Variants in TSPAN9 observed in about 807,000 individuals in gnomAD.
TSPAN9 encodes tetraspanin 9, also known as tetraspanin-9.
Under a neutral mutation model 31.0 loss-of-function variants are expected in TSPAN9, and 16 were observed. That is an observed-to-expected ratio of 0.52 (90% CI 0.35 to 0.78). The LOEUF (loss-of-function observed/expected upper bound fraction) is 0.78. Ranked by LOEUF, TSPAN9 falls within the 30% of genes least tolerant of loss-of-function variation. The pLI is 0.01. For missense variants in TSPAN9, 272 were observed against 312.5 expected, an observed-to-expected ratio of 0.87 and a Z score of 0.98; for synonymous variants, 145 against 121.6, an observed-to-expected ratio of 1.19 and a Z score of -1.27.
intron 3 of TSPAN9, among the ~76,000 whole-genome samples, chr12:3,252,342 G>A (rs1487948211): frequency 1.3e-5 from 2 of 152,230 alleles, no homozygotes; most frequent in African/African-American, 2.4e-5. Flanking sequence ...GGTGATGGCA[G>A]CGAGATGGGG....
chr12:3,232,908 A>G (rs1407778217), intron 3 of TSPAN9, among the ~76,000 whole-genome samples: 1 of 152,170 alleles, frequency 6.6e-6, no homozygotes, highest in African/African-American at 2.4e-5. Context: ...TCTGTTTTTC[A>G]GAGCCACACA....
chr12:3,275,124 A>C (rs1422110894), intron 3 of TSPAN9, among the ~76,000 whole-genome samples: 2 of 152,192 alleles, frequency 1.3e-5, no homozygotes, highest in Admixed American at 6.5e-5. Flanking sequence ...AACCAGTTTG[A>C]AGAGAGGTGA....
chr12:3,261,614 A>G (rs1346352262), intron 3 of TSPAN9, among the ~76,000 whole-genome samples: 1 of 152,230 alleles, frequency 6.6e-6, no homozygotes, highest in Non-Finnish European at 1.5e-5. Context: ...GACTCGGGGC[A>G]TGCATGACAC....
chr12:3,087,798 T>C (rs1263065367), intron 2 of TSPAN9, among the ~76,000 whole-genome samples: 1 of 152,032 alleles, frequency 6.6e-6, no homozygotes, highest in Non-Finnish European at 1.5e-5. Context: ...GAGCCAAGAC[T>C]CCATCTTGGA....
At chr12:3,171,980 G>A (rs1436296393) in intron 2 of TSPAN9, 3 of 152,296 alleles carry the variant, frequency 2.0e-5, no homozygotes, top group Non-Finnish European at 4.4e-5. Context: ...TTTAAAATAC[G>A]CTTCATGGTC....
chr12:3,153,767 G>A (rs1343676405), intron 2 of TSPAN9, among the ~76,000 whole-genome samples: 1 of 150,198 alleles, frequency 6.7e-6, no homozygotes, highest in Non-Finnish European at 1.5e-5. Context: ...TCCTACTGTT[G>A]AATGTGCAGC....
At chr12:3,198,141 A>T (rs2098368293) in intron 2 of TSPAN9, among the ~76,000 whole-genome samples, 1 of 84,790 alleles carries the variant, frequency 1.2e-5, no homozygotes, top group African/African-American at 4.8e-5. Context: ...CCACCAGCAC[A>T]GGTCACCACC....
At chr12:3,146,940 C>T (rs2098337536) in intron 2 of TSPAN9, among the ~76,000 whole-genome samples, 1 of 152,006 alleles carries the variant, frequency 6.6e-6, no homozygotes, top group Admixed American at 6.6e-5. Flanking sequence ...TGCACAAGTC[C>T]CTTATCTTCT....
At chr12:3,138,793 T>A (rs989773020) in intron 2 of TSPAN9, among the ~76,000 whole-genome samples, 1 of 152,158 alleles carries the variant, frequency 6.6e-6, no homozygotes, top group African/African-American at 2.4e-5. Context: ...GTTTCTTCTT[T>A]GTTTTGCCCC....
intron 3 of TSPAN9, among the ~76,000 whole-genome samples, chr12:3,237,962 A>G (rs527871170): frequency 6.6e-6 from 1 of 152,268 alleles, no homozygotes; most frequent in South Asian, 2.1e-4. Flanking sequence ...GTGATGATGG[A>G]AAGCTTGGTT....
At chr12:3,221,203 C>A (rs1337975065) in intron 3 of TSPAN9, among the ~76,000 whole-genome samples, 1 of 152,068 alleles carries the variant, frequency 6.6e-6, no homozygotes, top group Non-Finnish European at 1.5e-5. Context: ...CTGGTCCCTT[C>A]CCTTATTCAT....
intron 2 of TSPAN9, among the ~76,000 whole-genome samples, chr12:3,174,816 T>G (rs74751065): frequency 0.35 from 52,124 of 148,456 alleles, 11,235 homozygotes; most frequent in South Asian, 0.52. Context: ...TCTCCTGACC[T>G]CGTGATCCTC....
At chr12:3,160,447 A>G (rs2098344463) in intron 2 of TSPAN9, among the ~76,000 whole-genome samples, 1 of 152,230 alleles carries the variant, frequency 6.6e-6, no homozygotes. Flanking sequence ...TATTTATTTC[A>G]GGTATCTAGG....
intron 2 of TSPAN9, among the ~76,000 whole-genome samples, chr12:3,162,036 T>C (rs564576800): frequency 1.3e-5 from 2 of 151,254 alleles, no homozygotes; most frequent in East Asian, 3.9e-4. Context: ...TAATGGGAGG[T>C]GTTTGGGTCA....
intron 2 of TSPAN9, among the ~76,000 whole-genome samples, chr12:3,104,848 C>A (rs1472529515): frequency 1.3e-5 from 2 of 152,198 alleles, no homozygotes; most frequent in Non-Finnish European, 2.9e-5. Context: ...CAGGCAGGTT[C>A]CAAAGGTTGT....
intron 3 of TSPAN9, among the ~76,000 whole-genome samples, chr12:3,249,431 C>T (rs1243940164): frequency 7.9e-5 from 12 of 152,196 alleles, no homozygotes. Flanking sequence ...CTTAAAGTTT[C>T]TGTCTCAAAC....
At chr12:3,106,273 C>T (rs1194160871) in intron 2 of TSPAN9, among the ~76,000 whole-genome samples, 1 of 152,194 alleles carries the variant, frequency 6.6e-6, no homozygotes, top group Non-Finnish European at 1.5e-5. Flanking sequence ...TGGTGGAGTC[C>T]CACAATAATG....
Position 3,280,551 on chromosome 12 carries a change from C to T in TSPAN9, c.432+68C>T, listed in dbSNP as rs1362084429. 2.8e-6 allele frequency: 4 copies of T among 1,449,182 alleles called. No homozygotes were observed. The African/African-American group carries it at 4.2e-5, about 15-fold the overall frequency. 89.8% of individuals were successfully genotyped at this position (1,449,182 alleles called of 1,614,324 possible). A position where few individuals can be genotyped will look rare whatever the true frequency, so the allele number is the denominator to read the frequency against. On this transcript the variant is annotated intron_variant, in intron 6 of 8. Coordinates refer to ENST00000011898, the MANE Select transcript of TSPAN9 (RefSeq NM_006675.5). The surrounding 1 kb of genome is among the most constrained non-coding windows in gnomAD (Gnocchi z 4.5). ...GGTGGCGGCCGGTACTTCTAGCTGC[C>T]TTCCCCGGTGACCTGGCCGGGCACC...
chr12:3,253,883 C>T (rs558560202), intron 3 of TSPAN9, among the ~76,000 whole-genome samples: 17 of 152,332 alleles, frequency 1.1e-4, no homozygotes, highest in South Asian at 1.0e-3. Flanking sequence ...TTGGAAGCCC[C>T]AGAACCCCAG....
Sources: gnomAD v4.1 joint callset for allele counts (sites outside exome capture counted in the v4.1 genomes callset) on GRCh38, gnomAD v4.1.1 for gene constraint, Gnocchi (gnomAD v3.1) non-coding constraint, MANE v1.5 for transcripts, NCBI Gene and HGNC (gene_info 2026-07-23, HGNC 2026-07-21) for gene names.